CHRNA7: variants seen among roughly 807,000 people sequenced by gnomAD.
The protein encoded by CHRNA7 is cholinergic receptor nicotinic alpha 7 subunit.
In CHRNA7, 17 loss-of-function variants were observed where a neutral mutation model predicts 48.0. The ratio of observed to expected loss-of-function variants is 0.35; its 90% CI spans 0.24 to 0.53. The LOEUF (loss-of-function observed/expected upper bound fraction) is 0.53, where lower values mean the gene tolerates loss of function less well. Among genes scored for constraint, CHRNA7 ranks in the 20% least tolerant of loss-of-function variants. CHRNA7 has a pLI of 0.92. For synonymous variants in CHRNA7, 75 were observed against 242.3 expected, an observed-to-expected ratio of 0.31 and a Z score of 6.41; for missense variants, 155 against 577.7, an observed-to-expected ratio of 0.27 and a Z score of 7.50.
intron 2 of CHRNA7, among the ~76,000 whole-genome samples, chr15:32,057,392 A>G (rs900202624): frequency 6.6e-6 from 1 of 152,178 alleles, no homozygotes; most frequent in African/African-American, 2.4e-5. Flanking sequence ...AGGAAAAGAA[A>G]AAAATTTCCC....
chr15:32,080,253 G>A (rs1183904991), intron 2 of CHRNA7, among the ~76,000 whole-genome samples: 2 of 152,174 alleles, frequency 1.3e-5, no homozygotes, highest in African/African-American at 4.8e-5. Context: ...AAGATTTCAT[G>A]TTGAAAACGT....
intron 4 of CHRNA7, among the ~76,000 whole-genome samples, chr15:32,135,328 A>T (rs965545061): frequency 2.6e-5 from 4 of 152,248 alleles, no homozygotes; most frequent in African/African-American, 9.6e-5. Flanking sequence ...TATTTGACTC[A>T]TATCACATGA....
chr15:32,031,677 G>T (rs575686545), intron 2 of CHRNA7, among the ~76,000 whole-genome samples: 1 of 152,368 alleles, frequency 6.6e-6, no homozygotes, highest in African/African-American at 2.4e-5. Flanking sequence ...GCTGCCATCA[G>T]TTCCGTGGGT....
chr15:32,129,133 T>C (rs1341360016), intron 4 of CHRNA7, among the ~76,000 whole-genome samples: 3 of 151,968 alleles, frequency 2.0e-5, no homozygotes, highest in African/African-American at 4.8e-5. Context: ...TAATTCCTTA[T>C]ATATACTGCT....
intron 2 of CHRNA7, among the ~76,000 whole-genome samples, chr15:32,069,254 C>G (rs1356477827): frequency 6.6e-6 from 1 of 152,150 alleles, no homozygotes. Context: ...TAAAGAAACT[C>G]TTACAACTCA....
At chr15:32,147,786 TA>T (rs1331324044) in intron 4 of CHRNA7, among the ~76,000 whole-genome samples, 1 of 152,118 alleles carries the variant, frequency 6.6e-6, no homozygotes, top group Non-Finnish European at 1.5e-5. Flanking sequence ...CATTTTAGAA[TA>T]AAATATAGAA....
At chr15:32,111,944 A>C (rs1217072274) in intron 4 of CHRNA7, 45 bp downstream of exon 4, 1 of 1,069,656 alleles carries the variant, frequency 9.3e-7, no homozygotes, top group South Asian at 1.3e-5. Context: ...ATGCTTGCAT[A>C]CATGTAGCTA....
At chr15:32,167,594 G>A (rs201947454) in intron 9 of CHRNA7, 13,631 of 155,576 alleles carry the variant, frequency 0.088, 254 homozygotes, top group East Asian at 0.12. Flanking sequence ...AAGGTCCCCG[G>A]GTTACAGATG....
rs1189137044 is a variant in CHRNA7 at position 32,149,544 on chromosome 15, T to G, written c.351-4363T>G. Among the ~76,000 whole-genome samples the G allele has an allele frequency of 6.6e-6, 1 of 152,196 alleles. No homozygotes were observed. The highest frequency in any genetic ancestry group is 6.5e-5 in the Admixed American group (1 of 15,282). The stretch of plus-strand genomic sequence containing the variant: ...CCCCTAATGCTCAAAACAGATAAAG[T>G]AGTATTAGCACAAATCCATTACAAG... On this transcript the variant is annotated intron_variant, in intron 4 of 9. Coordinates refer to ENST00000306901, the MANE Select transcript of CHRNA7 (RefSeq NM_000746.6). This position sits in a 1 kb window ranked among gnomAD's most constrained non-coding sequence, Gnocchi z 4.6.
intron 2 of CHRNA7, among the ~76,000 whole-genome samples, chr15:32,040,533 A>G (rs2049428764): frequency 6.6e-6 from 1 of 151,858 alleles, no homozygotes; most frequent in Non-Finnish European, 1.5e-5. Context: ...GCAAAATAAC[A>G]TGAATTTCTT....
chr15:32,098,908 A>T (rs1391966582), intron 2 of CHRNA7: 1 of 153,794 alleles, frequency 6.5e-6, no homozygotes, highest in African/African-American at 2.4e-5. Flanking sequence ...ACACACACAC[A>T]CTTTTTATTC....
chr15:32,071,409 T>C lies in CHRNA7; in HGVS notation c.196-29894T>C, dbSNP rs543471340. On this transcript the variant is annotated intron_variant, in intron 2 of 9. Coordinates refer to ENST00000306901, the MANE Select transcript of CHRNA7 (RefSeq NM_000746.6). ...TTATTTCAGTTTGTGAATATGTCTGTTTATTTCTTCTTTGATTCCTGTCAT... is the reference window on the plus strand; with the variant it reads ...TTATTTCAGTTTGTGAATATGTCTGCTTATTTCTTCTTTGATTCCTGTCAT... Among the ~76,000 whole-genome samples, 4 of 152,326 alleles carry C rather than the reference T, an allele frequency of 2.6e-5. No homozygotes were observed. In the South Asian group the frequency reaches 8.3e-4, roughly 32 times the overall value.
At chr15:32,111,533 G>C in intron 3 of CHRNA7, 1 of 376,680 alleles carries the variant, frequency 2.7e-6, no homozygotes, top group East Asian at 4.3e-5. Context: ...GACATGCAGA[G>C]GGTTGGAATT....
intron 4 of CHRNA7, among the ~76,000 whole-genome samples, chr15:32,148,948 C>G (rs536570433): frequency 6.6e-6 from 1 of 152,222 alleles, no homozygotes; most frequent in South Asian, 2.1e-4. Context: ...CTCCTACCCC[C>G]GCTAAGGACA....
intron 2 of CHRNA7, among the ~76,000 whole-genome samples, chr15:32,077,984 A>C (rs2050160185): frequency 6.6e-6 from 1 of 152,190 alleles, no homozygotes; most frequent in East Asian, 1.9e-4. Context: ...TGCCACCTCC[A>C]GTGTTGGGGA....
chr15:32,098,873 C>CACACACACACAT (rs2050520498), intron 2 of CHRNA7: 1 of 140,206 alleles, frequency 7.1e-6, no homozygotes, highest in Non-Finnish European at 1.6e-5. Context: ...CCCCCACCAA[C>CACACACACACAT]ACACACACAC....
At chr15:32,166,156 T>A (rs1158006535) in intron 9 of CHRNA7, 4 of 152,204 alleles carry the variant, frequency 2.6e-5, no homozygotes, top group Admixed American at 2.6e-4. Context: ...AACCACTTAC[T>A]TACTCATTGT....
At position 32,066,002 on chromosome 15, in the gene CHRNA7, G is replaced by C. The variant is rs1298074334; in HGVS notation, c.195+34965G>C. ...CAACATAGCCCACTGCAAACACTGG[G>C]GACAGAGCTGTCAGCTGCCTGGCTG... On this transcript the variant is annotated intron_variant, in intron 2 of 9. Transcript: ENST00000306901. Among the ~76,000 whole-genome samples, 6 of 152,250 alleles carry C rather than the reference G, an allele frequency of 3.9e-5. No individual in the cohort carries two copies. The East Asian group carries it at 1.2e-3, about 29-fold the overall frequency.
chr15:32,139,477 C>T (rs2051336535), intron 4 of CHRNA7, among the ~76,000 whole-genome samples: 2 of 152,318 alleles, frequency 1.3e-5, no homozygotes, highest in South Asian at 2.1e-4. Context: ...CTCATGCCCA[C>T]CAGCAGTGTA....
Sources: gnomAD v4.1 joint callset for allele counts (sites outside exome capture counted in the v4.1 genomes callset) on GRCh38, gnomAD v4.1.1 for gene constraint, Gnocchi (gnomAD v3.1) non-coding constraint, MANE v1.5 for transcripts, NCBI Gene and HGNC (gene_info 2026-07-23, HGNC 2026-07-21) for gene names.